The following SCAPER variants were observed in gnomAD, a reference collection of about 807,000 sequenced individuals.
The protein encoded by SCAPER is S-phase cyclin A associated protein in the ER, also known as S phase cyclin A-associated protein in the endoplasmic reticulum.
A neutral mutation model predicts 182.2 loss-of-function variants in SCAPER; 98 were observed. The observed-to-expected ratio is 0.54, with a 90% CI of 0.46 to 0.64. The LOEUF is 0.64. Ranked by LOEUF, SCAPER falls within the 30% of genes least tolerant of loss-of-function variation. The pLI is 0.00. For synonymous variants in SCAPER, 605 were observed against 564.6 expected (o/e 1.07, Z -1.01); for missense variants, 1,432 against 1,690.0 (o/e 0.85, Z 2.68).
intron 24 of SCAPER, among the ~76,000 whole-genome samples, chr15:76,482,045 T>C (rs1181432546): frequency 6.6e-6 from 1 of 152,164 alleles, no homozygotes; most frequent in Non-Finnish European, 1.5e-5. Context: ...AGTTCTTTAA[T>C]CAGCAGGCGC....
At chr15:76,767,561 T>A (rs1025786339) in intron 10 of SCAPER, among the ~76,000 whole-genome samples, 1 of 152,008 alleles carries the variant, frequency 6.6e-6, no homozygotes, top group Non-Finnish European at 1.5e-5. Flanking sequence ...ATAATAAAAA[T>A]ATACATGAGA....
chr15:76,579,490 G>A (rs1024243313), intron 22 of SCAPER, among the ~76,000 whole-genome samples: 8 of 150,692 alleles, frequency 5.3e-5, no homozygotes, highest in African/African-American at 9.7e-5. Context: ...AATATCAATT[G>A]CAAGCTTCGT....
chr15:76,814,512 G>A (rs2066913112), intron 5 of SCAPER, among the ~76,000 whole-genome samples: 1 of 152,070 alleles, frequency 6.6e-6, no homozygotes, highest in African/African-American at 2.4e-5. Context: ...AAAACACAAT[G>A]AGAAAAGGAT....
At chr15:76,475,096 A>T (rs2050516592) in intron 24 of SCAPER, among the ~76,000 whole-genome samples, 1 of 152,252 alleles carries the variant, frequency 6.6e-6, no homozygotes, top group African/African-American at 2.4e-5. Flanking sequence ...AATAATGTGC[A>T]TTTATGCTGA....
At chr15:76,754,002 A>G in intron 14 of SCAPER, 54 bp from the exon 15 acceptor site, 1 of 1,567,884 alleles carries the variant, frequency 6.4e-7, no homozygotes, top group South Asian at 1.2e-5. Context: ...ATCATTTAAA[A>G]GAAGTACAAA....
At chr15:76,686,477 A>T (rs2058045645) in intron 20 of SCAPER, among the ~76,000 whole-genome samples, 1 of 152,120 alleles carries the variant, frequency 6.6e-6, no homozygotes, top group Admixed American at 6.5e-5. Flanking sequence ...AATTGGTGCA[A>T]CCAATTAGAA....
At chr15:76,711,803 A>G (rs1276532419) in intron 17 of SCAPER, among the ~76,000 whole-genome samples, 1 of 151,846 alleles carries the variant, frequency 6.6e-6, no homozygotes, top group Non-Finnish European at 1.5e-5. Flanking sequence ...TTTCCTGTAA[A>G]TTTGTTTGAG....
intron 24 of SCAPER, among the ~76,000 whole-genome samples, chr15:76,495,064 C>T (rs1288212364): frequency 6.6e-6 from 1 of 151,996 alleles, no homozygotes; most frequent in Non-Finnish European, 1.5e-5. Context: ...ATGCAATATG[C>T]CTGGCAGCTC....
At chr15:76,414,199 T>A (rs778895968) in intron 26 of SCAPER, among the ~76,000 whole-genome samples, 2 of 152,140 alleles carry the variant, frequency 1.3e-5, no homozygotes, top group African/African-American at 4.8e-5. Context: ...TATTCCCTCC[T>A]CTCCCTTGAG....
intron 14 of SCAPER, among the ~76,000 whole-genome samples, chr15:76,764,124 G>C (rs753726282): frequency 6.6e-6 from 1 of 152,246 alleles, no homozygotes; most frequent in Non-Finnish European, 1.5e-5. Flanking sequence ...CAATTGCTCA[G>C]ATGGGAGCAA....
rs1555499702 is a variant in SCAPER, at chr15:76,600,429, G to GTA, written c.2711+21333_2711+21334dup. Among the ~76,000 whole-genome samples the GTA allele has an allele frequency of 1.4e-4, 10 of 69,788 alleles. 1 individual carries two copies. The highest frequency in any genetic ancestry group is 2.4e-4 in the African/African-American group (6 of 25,048). 45.8% of individuals were successfully genotyped at this position (69,788 alleles called of 152,430 possible). On this transcript the variant is annotated intron_variant, in intron 22 of 31. Coordinates refer to ENST00000563290, the MANE Select transcript of SCAPER (RefSeq NM_020843.4). ...TGTGTGTGTGTGTGTGTGTGTGTGTGTATACATATACATATATATATATAT... is the reference window on the plus strand; with the variant it reads ...TGTGTGTGTGTGTGTGTGTGTGTGTGTATATACATATACATATATATATATAT...
rs1340940033 is a variant in SCAPER at position 76,595,813 on chromosome 15, A to G, written c.2712-21529T>C. Among the ~76,000 whole-genome samples the G allele has an allele frequency of 3.3e-5, 4 of 122,632 alleles. 2 individuals are homozygous for G. The highest frequency in any genetic ancestry group is 5.0e-5 in the African/African-American group (2 of 39,952). The allele number at this position is 122,632 out of a possible 152,430, so 80.5% of individuals were successfully genotyped here. A position where few individuals can be genotyped will look rare whatever the true frequency, so the allele number is the denominator to read the frequency against. ...AGAATCTCTGGGACACTGCCAAAGC[A>G]GAGTTTAGAGGGAAATTTATAGCAC... On this transcript the variant is annotated intron_variant, in intron 22 of 31. Coordinates refer to ENST00000563290, the MANE Select transcript of SCAPER (RefSeq NM_020843.4).
chr15:76,769,666 C>A (rs542442227), intron 10 of SCAPER, among the ~76,000 whole-genome samples: 1 of 152,054 alleles, frequency 6.6e-6, no homozygotes, highest in Non-Finnish European at 1.5e-5. Context: ...CAGGAAACAA[C>A]AGATGCTGGA....
At chr15:76,605,543 G>T (rs1008910560) in intron 22 of SCAPER, among the ~76,000 whole-genome samples, 7 of 152,252 alleles carry the variant, frequency 4.6e-5, no homozygotes, top group Admixed American at 2.6e-4. Flanking sequence ...CTCATAAAAT[G>T]AGTTAGGGAG....
chr15:76,677,244 TC>T (rs2057418720), intron 20 of SCAPER, among the ~76,000 whole-genome samples: 1 of 152,148 alleles, frequency 6.6e-6, no homozygotes, highest in African/African-American at 2.4e-5. Flanking sequence ...AATTCCTATC[TC>T]CTACTAAGAG....
chr15:76,451,905 T>C (rs2048390435), intron 25 of SCAPER, among the ~76,000 whole-genome samples: 1 of 152,216 alleles, frequency 6.6e-6, no homozygotes. Context: ...TTATAGGGTA[T>C]TGGGAAAGGT....
At chr15:76,656,864 T>C (rs1567719201) in intron 21 of SCAPER, among the ~76,000 whole-genome samples, 1 of 152,166 alleles carries the variant, frequency 6.6e-6, no homozygotes, top group East Asian at 1.9e-4. Flanking sequence ...AAAAAAGATA[T>C]GACATACCAG....
intron 24 of SCAPER, among the ~76,000 whole-genome samples, chr15:76,501,767 A>G (rs959712375): frequency 1.8e-4 from 28 of 152,352 alleles, no homozygotes; most frequent in African/African-American, 6.0e-4. Flanking sequence ...CTAGGGATGG[A>G]AAGATTCTGG....
intron 25 of SCAPER, among the ~76,000 whole-genome samples, chr15:76,454,133 T>G (rs941710353): frequency 2.1e-4 from 32 of 152,330 alleles, no homozygotes; most frequent in Admixed American, 2.1e-3. Flanking sequence ...CCCCTTCCTT[T>G]CACTTGGGTT....
Sources: gnomAD v4.1 joint callset for allele counts (sites outside exome capture counted in the v4.1 genomes callset) on GRCh38, gnomAD v4.1.1 for gene constraint, MANE v1.5 for transcripts, NCBI Gene and HGNC (gene_info 2026-07-23, HGNC 2026-07-21) for gene names.